SUGCT: variants seen among roughly 807,000 people sequenced by gnomAD.
SUGCT encodes the protein succinyl-CoA:glutarate-CoA transferase.
SUGCT carries 41 observed loss-of-function variants against 55.0 expected under a neutral mutation model. The ratio of observed to expected loss-of-function variants is 0.74; its 90% confidence interval spans 0.58 to 0.97. SUGCT has a LOEUF of 0.97. Among genes scored for constraint, SUGCT ranks in the 50% least tolerant of loss-of-function variants. SUGCT has a pLI of 0.00. For missense variants in SUGCT, 568 were observed against 547.8 expected (o/e 1.04, Z -0.37); for synonymous variants, 187 against 200.4 (o/e 0.93, Z 0.56).
intron 13 of SUGCT, among the ~76,000 whole-genome samples, chr7:40,783,746 C>T (rs1031160648): frequency 6.6e-6 from 1 of 152,108 alleles, no homozygotes; most frequent in African/African-American, 2.4e-5. Context: ...TGTAGATGTG[C>T]TTACAACTTC....
the SUGCT span, among the ~76,000 whole-genome samples, chr7:41,022,429 A>C: frequency 6.6e-6 from 1 of 152,346 alleles, no homozygotes; most frequent in East Asian, 1.9e-4. Flanking sequence ...TTCTTTAAAG[A>C]TGCTTACTGA....
At chr7:40,831,598 A>T (rs1792668060) in intron 13 of SUGCT, among the ~76,000 whole-genome samples, 1 of 152,208 alleles carries the variant, frequency 6.6e-6, no homozygotes, top group African/African-American at 2.4e-5. Context: ...TATAATGCAG[A>T]TGTTTAACCA....
chr7:40,340,757 T>G (rs1177336731), intron 9 of SUGCT, among the ~76,000 whole-genome samples: 2 of 152,074 alleles, frequency 1.3e-5, no homozygotes, highest in African/African-American at 4.8e-5. Context: ...AATAAAAGCG[T>G]TTTTATACAT....
intron 9 of SUGCT, among the ~76,000 whole-genome samples, chr7:40,391,897 A>G (rs1014127079): frequency 6.6e-6 from 1 of 152,210 alleles, no homozygotes; most frequent in East Asian, 1.9e-4. Flanking sequence ...AGGTCCATCA[A>G]TGATAGACTG....
intron 11 of SUGCT, among the ~76,000 whole-genome samples, chr7:40,487,500 G>T (rs1212170289): frequency 6.6e-6 from 1 of 151,690 alleles, no homozygotes; most frequent in Non-Finnish European, 1.5e-5. Context: ...GTGTTGGATG[G>T]AATGTTCTAC....
chr7:40,802,601 T>C (rs2128751551), intron 13 of SUGCT, among the ~76,000 whole-genome samples: 1 of 152,300 alleles, frequency 6.6e-6, no homozygotes, highest in East Asian at 1.9e-4. Flanking sequence ...GCGGTAGAAC[T>C]GAAACCCAAT....
At chr7:40,954,935 A>G in the SUGCT span, among the ~76,000 whole-genome samples, 2 of 152,180 alleles carry the variant, frequency 1.3e-5, no homozygotes, top group Non-Finnish European at 2.9e-5. Flanking sequence ...TTTGTCAAAG[A>G]ACAGATGATT....
Position 40,593,059 on chromosome 7 carries a change from G to A in SUGCT, c.1089+96673G>A, listed in dbSNP as rs150196151. Among the ~76,000 whole-genome samples, 60 of 152,276 alleles carry A rather than the reference G, an allele frequency of 3.9e-4. No individual in the cohort carries two copies. In the East Asian group the frequency reaches 8.1e-3, roughly 21 times the overall value. On this transcript the variant is annotated intron_variant, in intron 12 of 13. Coordinates refer to ENST00000335693, the MANE Select transcript of SUGCT (RefSeq NM_001193313.2). ...CATAGCTTTGGGTCAGATTCTGAGC[G>A]GCTGGTAGGACACAAAGGGGAAGAA...
chr7:40,381,401 C>T (rs1364278837), intron 9 of SUGCT, among the ~76,000 whole-genome samples: 2 of 151,882 alleles, frequency 1.3e-5, no homozygotes, highest in Non-Finnish European at 2.9e-5. Context: ...GTACGTTGTT[C>T]TTTTGTTCAC....
At chr7:40,984,297 A>T in the SUGCT span, among the ~76,000 whole-genome samples, 1 of 152,140 alleles carries the variant, frequency 6.6e-6, no homozygotes, top group Non-Finnish European at 1.5e-5. Context: ...TTGAAGACTC[A>T]TACTTTTCCA....
chr7:40,655,843 A>G (rs1800995123), intron 12 of SUGCT, among the ~76,000 whole-genome samples: 1 of 152,154 alleles, frequency 6.6e-6, no homozygotes, highest in Non-Finnish European at 1.5e-5. Context: ...AAATCCATGT[A>G]TATGCTTAAT....
At chr7:40,704,459 G>A (rs759627107) in intron 12 of SUGCT, among the ~76,000 whole-genome samples, 6 of 152,106 alleles carry the variant, frequency 3.9e-5, no homozygotes, top group Non-Finnish European at 7.4e-5. Context: ...AGGGAGGTAG[G>A]GGTATTGGAA....
chr7:40,426,311 T>G (rs1038689790), intron 9 of SUGCT, among the ~76,000 whole-genome samples: 2 of 152,168 alleles, frequency 1.3e-5, no homozygotes, highest in African/African-American at 4.8e-5. Flanking sequence ...GAGACTGTTA[T>G]GATTTATGGT....
intron 3 of SUGCT, among the ~76,000 whole-genome samples, chr7:40,186,496 T>C (rs964543175): frequency 5.9e-5 from 9 of 152,146 alleles, no homozygotes. Context: ...TGGCCTCAAG[T>C]GATCCACCCA....
intron 8 of SUGCT, among the ~76,000 whole-genome samples, chr7:40,295,957 C>T (rs1249612691): frequency 6.6e-6 from 1 of 152,168 alleles, no homozygotes; most frequent in Non-Finnish European, 1.5e-5. Flanking sequence ...ATGTGTAGGG[C>T]AGGTGCTTTC....
chr7:40,580,939 T>C (rs554729013), intron 12 of SUGCT, among the ~76,000 whole-genome samples: 1 of 152,292 alleles, frequency 6.6e-6, no homozygotes, highest in Admixed American at 6.5e-5. Flanking sequence ...TCTATGATGT[T>C]TGCAAAATGA....
At chr7:41,003,795 C>G in the SUGCT span, among the ~76,000 whole-genome samples, 1 of 152,200 alleles carries the variant, frequency 6.6e-6, no homozygotes, top group Non-Finnish European at 1.5e-5. Context: ...GCAACACTTA[C>G]ATTCCAGGAG....
At chr7:40,445,816 A>T (rs1168310923) in intron 9 of SUGCT, among the ~76,000 whole-genome samples, 2 of 152,180 alleles carry the variant, frequency 1.3e-5, no homozygotes, top group Non-Finnish European at 2.9e-5. Context: ...AGTAACAGGG[A>T]ACAAATAATT....
intron 13 of SUGCT, among the ~76,000 whole-genome samples, chr7:40,819,115 A>G (rs983804531): frequency 2.6e-5 from 4 of 151,944 alleles, no homozygotes; most frequent in African/African-American, 4.8e-5. Flanking sequence ...ATAGTATTCC[A>G]TGGTGTATAT....
Sources: gnomAD v4.1 joint callset for allele counts (sites outside exome capture counted in the v4.1 genomes callset) on GRCh38, gnomAD v4.1.1 for gene constraint, MANE v1.5 for transcripts, NCBI Gene and HGNC (gene_info 2026-07-23, HGNC 2026-07-21) for gene names.